The following FARP2 variants were observed in gnomAD, a reference collection of about 807,000 sequenced individuals.
The protein encoded by FARP2 is FERM, ARH/RhoGEF and pleckstrin domain protein 2.
FARP2 carries 111 observed loss-of-function variants against 130.5 expected under a neutral mutation model. That is an observed-to-expected ratio of 0.85 (90% confidence interval 0.73 to 1.00). FARP2 has a LOEUF of 1.00. Ranked by LOEUF, FARP2 falls within the 50% of genes least tolerant of loss-of-function variation. The pLI is 0.00. For missense variants in FARP2, 1,385 were observed against 1,346.3 expected (o/e 1.03, Z -0.45); for synonymous variants, 504 against 516.9 (o/e 0.98, Z 0.34).
intron 10 of FARP2, 34 bp downstream of exon 10, chr2:241,434,355 C>T: frequency 1.3e-6 from 2 of 1,510,966 alleles, no homozygotes; most frequent in Admixed American, 2.3e-5. Flanking sequence ...ATGGGCCCCT[C>T]ACTGGTTTGT....
chr2:241,406,901 G>A (rs970530153), intron 4 of FARP2, among the ~76,000 whole-genome samples: 12 of 152,188 alleles, frequency 7.9e-5, no homozygotes, highest in Admixed American at 2.6e-4. Flanking sequence ...CCCGCCTCCC[G>A]GGTTCACGCC....
intron 19 of FARP2, among the ~76,000 whole-genome samples, chr2:241,476,641 A>G (rs1387488607): frequency 1.3e-5 from 2 of 152,184 alleles, no homozygotes; most frequent in Non-Finnish European, 2.9e-5. Flanking sequence ...GTGAACCAAG[A>G]TCACGCCATT....
chr2:241,364,458 C>T (rs1376672843), intron 1 of FARP2, among the ~76,000 whole-genome samples: 1 of 152,228 alleles, frequency 6.6e-6, no homozygotes, highest in Non-Finnish European at 1.5e-5. Flanking sequence ...ACTCAAACTT[C>T]TAACCCGTAG....
intron 2 of FARP2, among the ~76,000 whole-genome samples, chr2:241,373,507 G>A (rs2061468735): frequency 6.6e-6 from 1 of 152,142 alleles, no homozygotes; most frequent in Non-Finnish European, 1.5e-5. Flanking sequence ...GTACAATTTG[G>A]TCTTTCTACT....
Position 241,356,400 on chromosome 2 carries a change from A to T in FARP2, c.-25+12A>T, listed in dbSNP as rs2061062946. ...GCGAGAGGCCGAGGGTGAGGACGTG[A>T]AGCGGCCTGGGCGCGTGGGGCAGGG... On this transcript the variant is annotated intron_variant, in intron 1 of 26. Coordinates refer to ENST00000264042, the MANE Select transcript of FARP2 (RefSeq NM_014808.4). 6.6e-6 allele frequency: 1 copy of T among 152,130 alleles called. No individual in the cohort carries two copies. Among genetic ancestry groups the T allele is most frequent in the African/African-American group, 2.4e-5 (1 of 41,412 alleles). 9.4% of individuals were successfully genotyped at this position (152,130 alleles called of 1,614,324 possible).
chr2:241,481,947 C>A (rs953455440), intron 19 of FARP2, among the ~76,000 whole-genome samples: 1 of 152,220 alleles, frequency 6.6e-6, no homozygotes, highest in African/African-American at 2.4e-5. Flanking sequence ...GAAGTAGATG[C>A]TGTGCAAATT....
At chr2:241,452,668 C>T (rs2063690888) in intron 13 of FARP2, among the ~76,000 whole-genome samples, 1 of 151,716 alleles carries the variant, frequency 6.6e-6, no homozygotes, top group Non-Finnish European at 1.5e-5. Flanking sequence ...AGTCTGGGCA[C>T]AGTGGCTCAC....
At chr2:241,443,599 A>C (rs1468148610) in intron 13 of FARP2, 2 of 152,398 alleles carry the variant, frequency 1.3e-5, no homozygotes, top group South Asian at 4.2e-4. Flanking sequence ...TTCTCAGTCT[A>C]AACCACCATA....
In FARP2 at chr2:241,431,698, C is replaced by T. The variant is rs1003492840; in HGVS notation, c.791C>T (p.Thr264Ile). ...LVFQGTTKIN[T>I]FNWSKVRKLS... ...TTTCAGGGCACCACCAAAATCAACA[C>T]TTTCAACTGGTCCAAGGTCCGTAAA... The change falls in exon 9 of 27, where the codon ACT becomes ATT. Residue 264 changes from threonine to isoleucine, a missense_variant. By Grantham distance (89) the Thr-to-Ile change is moderately conservative (BLOSUM62 -1). Coordinates refer to ENST00000264042, the MANE Select transcript of FARP2 (RefSeq NM_014808.4). 5.6e-6 allele frequency: 9 copies of T among 1,598,536 alleles called. No individual in the cohort carries two copies. Among genetic ancestry groups the T allele is most frequent in the East Asian group, 2.2e-5 (1 of 44,520 alleles).
intron 18 of FARP2, among the ~76,000 whole-genome samples, chr2:241,474,160 G>T (rs1410426774): frequency 1.3e-5 from 2 of 151,602 alleles, no homozygotes; most frequent in African/African-American, 4.8e-5. Flanking sequence ...CAAAAAATTA[G>T]CCGGGCGTGG....
chr2:241,463,238 C>T (rs2064072708), intron 15 of FARP2, 97 bp from the exon 16 acceptor site: 1 of 1,350,168 alleles, frequency 7.4e-7, no homozygotes, highest in Non-Finnish European at 1.0e-6. Context: ...ACTGGAGGGT[C>T]ATCACTGGGT....
chr2:241,388,834 AT>A (rs2061845348), intron 2 of FARP2, among the ~76,000 whole-genome samples: 1 of 151,996 alleles, frequency 6.6e-6, no homozygotes, highest in African/African-American at 2.4e-5. Context: ...TCCCAAAAAA[AT>A]ATCTCTAATG....
chr2:241,487,478 G>A (rs2064778615), intron 21 of FARP2, among the ~76,000 whole-genome samples: 2 of 151,732 alleles, frequency 1.3e-5, no homozygotes, highest in African/African-American at 4.8e-5. Context: ...GACCAGCCTG[G>A]CCAACAGGGC....
chr2:241,476,018 G>A, intron 19 of FARP2, 31 bp downstream of exon 19: 1 of 1,588,386 alleles, frequency 6.3e-7, no homozygotes, highest in Non-Finnish European at 8.6e-7. Context: ...AATGTTTTTT[G>A]AGCTACTTTG....
chr2:241,415,841 G>A (rs777794500), intron 7 of FARP2, among the ~76,000 whole-genome samples: 1 of 152,136 alleles, frequency 6.6e-6, no homozygotes, highest in African/African-American at 2.4e-5. Context: ...GCAGTGTATC[G>A]CCTTCAGCAG....
chr2:241,472,932 AG>A (rs1166363121), intron 18 of FARP2, among the ~76,000 whole-genome samples: 1 of 144,976 alleles, frequency 6.9e-6, no homozygotes, highest in African/African-American at 2.6e-5. Context: ...CCCTATTCTG[AG>A]GGGGATGCTA....
chr2:241,424,472 A>T (rs1400247432), intron 8 of FARP2, among the ~76,000 whole-genome samples: 1 of 152,232 alleles, frequency 6.6e-6, no homozygotes, highest in Non-Finnish European at 1.5e-5. Flanking sequence ...GTTAAGAGGG[A>T]AATTTATAGT....
chr2:241,376,585 C>T (rs754119387), intron 2 of FARP2, among the ~76,000 whole-genome samples: 1 of 152,242 alleles, frequency 6.6e-6, no homozygotes, highest in Non-Finnish European at 1.5e-5. Context: ...GTCCCGCCCC[C>T]CTTCCTTGTT....
intron 14 of FARP2, among the ~76,000 whole-genome samples, chr2:241,462,282 C>T (rs924949288): frequency 6.6e-6 from 1 of 152,196 alleles, no homozygotes; most frequent in African/African-American, 2.4e-5. Flanking sequence ...ATCACAAAAC[C>T]AATAATAAAC....
Sources: allele counts gnomAD v4.1 joint callset (sites outside exome capture counted in the v4.1 genomes callset), GRCh38; gene constraint gnomAD v4.1.1; transcripts MANE v1.5; gene names NCBI Gene and HGNC (gene_info 2026-07-23, HGNC 2026-07-21).